Variants in FAM47E observed in about 807,000 individuals in gnomAD.
The protein encoded by FAM47E is family with sequence similarity 47 member E.
Under a neutral mutation model 41.6 loss-of-function variants are expected in FAM47E, and 32 were observed. That is an observed-to-expected ratio of 0.77 (90% CI 0.58 to 1.03). The LOEUF (loss-of-function observed/expected upper bound fraction) is 1.03. Ranked by LOEUF, FAM47E falls within the 50% of genes least tolerant of loss-of-function variation. The pLI, the probability that FAM47E is intolerant of heterozygous loss-of-function variation, is 0.00. For synonymous variants in FAM47E, 184 were observed against 188.7 expected (o/e 0.98, Z 0.20); for missense variants, 424 against 485.4 (o/e 0.87, Z 1.19).
chr4:76,249,574 TA>T (rs201341076), upstream of FAM47E, among the ~76,000 whole-genome samples: 96 of 151,854 alleles, frequency 6.3e-4, 1 homozygote, highest in African/African-American at 2.2e-3. Context: ...TTTATTTATT[TA>T]TTTTTTTTTT....
chr4:76,237,849 C>T (rs1733620429), intron 2 of FAM47E, among the ~76,000 whole-genome samples: 1 of 152,192 alleles, frequency 6.6e-6, no homozygotes, highest in Non-Finnish European at 1.5e-5. Flanking sequence ...ATAACAAGAA[C>T]TGCACCAAGG....
intron 2 of FAM47E, among the ~76,000 whole-genome samples, chr4:76,235,698 T>C (rs1252428914): frequency 6.6e-6 from 1 of 152,202 alleles, no homozygotes; most frequent in East Asian, 1.9e-4. Context: ...CTTAAGACCA[T>C]ATGCTGCTGT....
intron 5 of FAM47E, among the ~76,000 whole-genome samples, chr4:76,276,161 G>A (rs1735099030): frequency 6.6e-6 from 1 of 151,904 alleles, no homozygotes; most frequent in African/African-American, 2.4e-5. Flanking sequence ...TACTTATTAA[G>A]CACCCATTAT....
At chr4:76,251,215 G>A (rs1221045601), upstream of FAM47E, among the ~76,000 whole-genome samples, 3 of 152,194 alleles carry the variant, frequency 2.0e-5, no homozygotes, top group African/African-American at 7.2e-5. Context: ...GAGCTGGAAG[G>A]GCCTCTGGAA....
intron 1 of FAM47E, among the ~76,000 whole-genome samples, chr4:76,254,942 G>A (rs17001718): frequency 0.014 from 2,104 of 152,216 alleles, 55 homozygotes; most frequent in African/African-American, 0.046. Flanking sequence ...CAGGGCGCTG[G>A]TGGATAAGGA....
At chr4:76,219,110 C>T (rs868237973) in intron 2 of FAM47E, among the ~76,000 whole-genome samples, 1 of 152,058 alleles carries the variant, frequency 6.6e-6, no homozygotes, top group East Asian at 1.9e-4. Context: ...GACTTCTGGC[C>T]TCATGCTTAT....
rs114162349 is a variant in FAM47E at position 76,242,887 on chromosome 4, C to T, written c.82-20817C>T. Among the ~76,000 whole-genome samples, 910 of 152,266 alleles carry T rather than the reference C, an allele frequency of 6.0e-3. 13 individuals are homozygous for T. Among genetic ancestry groups the T allele is most frequent in the African/African-American group, 0.021 (866 of 41,532 alleles). ...CTAGAAAATGTATACTTACGTGGCT[C>T]ACATTTGTGGATTGCATTATACTTC... On this transcript the variant is annotated intron_variant, in intron 2 of 7. Coordinates refer to the FAM47E transcript ENST00000510197.
Position 76,256,483 on chromosome 4 carries a change from T to C in FAM47E, c.380T>C (p.Leu127Ser). ...GAGGCCCACCTGACCCCACATCCCT[T>C]AGCGCTCTACCTGAATCTGGAAGAA... Reference protein sequence around the residue: ...DVEAHLTPHPLALYLNLEEAM... With the variant: ...DVEAHLTPHPSALYLNLEEAM... The change falls in exon 2 of 8, where the codon TTA becomes TCA. Residue 127 changes from leucine (L) to serine (S), a missense_variant. By Grantham distance (145) the Leu-to-Ser change is moderately radical. Transcript: ENST00000424749. 1.9e-6 allele frequency: 3 copies of C among 1,551,540 alleles called. No individual in the cohort carries two copies. Among genetic ancestry groups the C allele is most frequent in the Non-Finnish European group, 2.6e-6 (3 of 1,146,914 alleles).
chr4:76,267,891 G>A (rs1269749220), intron 3 of FAM47E: 2 of 152,194 alleles, frequency 1.3e-5, no homozygotes, highest in Non-Finnish European at 2.9e-5. Flanking sequence ...AGGGAAATGG[G>A]GAAATGGTGA....
intron 2 of FAM47E, among the ~76,000 whole-genome samples, chr4:76,245,083 C>T (rs992024289): frequency 2.0e-5 from 3 of 152,234 alleles, no homozygotes; most frequent in East Asian, 3.9e-4. Context: ...ATGCACATTG[C>T]CCCCAACTCA....
chr4:76,217,060 T>G (rs1733220942), intron 1 of FAM47E, among the ~76,000 whole-genome samples: 1 of 152,192 alleles, frequency 6.6e-6, no homozygotes, highest in African/African-American at 2.4e-5. Context: ...CTCAATGCCC[T>G]TTGGGACTTC....
At position 76,264,206 on chromosome 4, in the gene FAM47E, T is replaced by C. The variant is rs115753519; in HGVS notation, c.560+363T>C. On this transcript the variant is annotated intron_variant, in intron 3 of 7. Transcript: ENST00000424749. ...CTCAGCATGCCAAAGCACCATACTTTTGGGGTATCATCCTTTGTGCCCCAA... is the reference window on the plus strand; with the variant it reads ...CTCAGCATGCCAAAGCACCATACTTCTGGGGTATCATCCTTTGTGCCCCAA... 3.8e-3 allele frequency among the ~76,000 whole-genome samples: 582 copies of C among 152,224 alleles called. 7 individuals carry two copies. Among genetic ancestry groups the C allele is most frequent in the African/African-American group, 0.013 (553 of 41,530 alleles).
intron 6 of FAM47E, chr4:76,279,636 C>T (rs1173094458): frequency 1.3e-5 from 2 of 152,146 alleles, no homozygotes; most frequent in Non-Finnish European, 2.9e-5. Context: ...ACATTATCGA[C>T]TATAGGTGGC....
chr4:76,245,956 C>A (rs978139048), intron 2 of FAM47E, among the ~76,000 whole-genome samples: 1 of 152,158 alleles, frequency 6.6e-6, no homozygotes, highest in African/African-American at 2.4e-5. Flanking sequence ...ATGCTACTGA[C>A]CAAGTGAGAA....
At chr4:76,264,961 T>C (rs1025755041) in intron 3 of FAM47E, among the ~76,000 whole-genome samples, 3 of 152,054 alleles carry the variant, frequency 2.0e-5, no homozygotes, top group African/African-American at 7.2e-5. Context: ...AACTAGAGAG[T>C]AGCCTATCCA....
At chr4:76,261,767 G>GTAT (rs1162510150) in intron 2 of FAM47E, among the ~76,000 whole-genome samples, 1 of 151,938 alleles carries the variant, frequency 6.6e-6, no homozygotes, top group African/African-American at 2.4e-5. Flanking sequence ...CCAAACCCCA[G>GTAT]TATTACACAA....
At chr4:76,220,220 C>T (rs941096006) in intron 2 of FAM47E, among the ~76,000 whole-genome samples, 2 of 152,180 alleles carry the variant, frequency 1.3e-5, no homozygotes, top group Non-Finnish European at 2.9e-5. Flanking sequence ...GTGTTCATAG[C>T]AGCATTGTTC....
intron 2 of FAM47E, among the ~76,000 whole-genome samples, chr4:76,221,995 C>G (rs1436607842): frequency 6.6e-6 from 1 of 152,230 alleles, no homozygotes; most frequent in East Asian, 1.9e-4. Flanking sequence ...CAATAGGTGA[C>G]TACCATGAAG....
intron 2 of FAM47E, among the ~76,000 whole-genome samples, chr4:76,219,855 G>C (rs745327880): frequency 2.0e-4 from 30 of 152,164 alleles, no homozygotes; most frequent in Non-Finnish European, 4.1e-4. Context: ...CTGAGAGTCT[G>C]AAATGATTAC....
Sources: allele counts gnomAD v4.1 joint callset (sites outside exome capture counted in the v4.1 genomes callset), GRCh38; gene constraint gnomAD v4.1.1; transcripts MANE v1.5; gene names NCBI Gene and HGNC (gene_info 2026-07-23, HGNC 2026-07-21).